GOLGA7B: variants seen among roughly 807,000 people sequenced by gnomAD.
GOLGA7B encodes golgin subfamily A member 7B.
Under a neutral mutation model 21.5 loss-of-function variants are expected in GOLGA7B, and 17 were observed. The ratio of observed to expected loss-of-function variants is 0.79; its 90% CI spans 0.54 to 1.19. GOLGA7B has a LOEUF of 1.19. Ranked by LOEUF, GOLGA7B falls within the 50% of genes most tolerant of loss-of-function variation. GOLGA7B has a pLI of 0.00. For missense variants in GOLGA7B, 169 were observed against 224.4 expected, an observed-to-expected ratio of 0.75 and a Z score of 1.58; for synonymous variants, 87 against 84.0, an observed-to-expected ratio of 1.04 and a Z score of -0.19.
At chr10:97,859,613 C>T in intron 2 of GOLGA7B, 30 bp downstream of exon 2, 14 of 1,610,166 alleles carry the variant, frequency 8.7e-6, no homozygotes, top group Non-Finnish European at 1.2e-5. Context: ...CACTTGGAAC[C>T]CAGGGCTGTG....
chr10:97,859,922 T>C (rs2049960010), intron 2 of GOLGA7B, among the ~76,000 whole-genome samples: 1 of 152,184 alleles, frequency 6.6e-6, no homozygotes, highest in Non-Finnish European at 1.5e-5. Context: ...GCAGTGCTGA[T>C]CCAGTTGTTG....
At position 97,869,675 on chromosome 10, in the gene GOLGA7B, A is replaced by C. The variant is rs1264637004; in HGVS notation, c.*3975A>C. The C allele has an allele frequency of 6.6e-6, 1 of 152,348 alleles. No individual in the cohort carries two copies. The highest frequency in any genetic ancestry group is 1.5e-5 in the Non-Finnish European group (1 of 68,116). 9.4% of individuals were successfully genotyped at this position (152,348 alleles called of 1,614,324 possible). On this transcript the variant is annotated 3_prime_UTR_variant, in exon 5 of 5. Coordinates refer to ENST00000370602, the MANE Select transcript of GOLGA7B (RefSeq NM_001010917.3). The stretch of plus-strand genomic sequence containing the variant: ...CACTCGGGGAATCAAAGGTGGAGAC[A>C]GAAAGAACTATGGCTGTTGTGACAC...
rs2050026320 is a variant in GOLGA7B at position 97,866,469 on chromosome 10, T to A, written c.*769T>A. The A allele has an allele frequency of 6.6e-6, 1 of 152,196 alleles. No individual in the cohort carries two copies. The allele number at this position is 152,196 out of a possible 1,614,324, so 9.4% of individuals were successfully genotyped here. On this transcript the variant is annotated 3_prime_UTR_variant, in exon 5 of 5. Coordinates refer to ENST00000370602, the MANE Select transcript of GOLGA7B (RefSeq NM_001010917.3). ...GAGACATAGCCATGCGGGGCCTGAA[T>A]CTCCTGAACTACAGCCAGTTTCCTG...
intron 4 of GOLGA7B, chr10:97,865,033 G>T (rs905899121): frequency 1.3e-5 from 2 of 152,744 alleles, no homozygotes; most frequent in African/African-American, 4.8e-5. Context: ...AGAGGCACTT[G>T]TTTTTATTGA....
Position 97,866,015 on chromosome 10 carries a change from C to G in GOLGA7B, c.*315C>G, listed in dbSNP as rs2050019287. 1 of 374,030 alleles carries G rather than the reference C, an allele frequency of 2.7e-6. No individual in the cohort carries two copies. The highest frequency in any genetic ancestry group is 2.0e-5 in the African/African-American group (1 of 49,328). 23.2% of individuals were successfully genotyped at this position (374,030 alleles called of 1,614,324 possible). Reference sequence around the variant, plus strand: ...GGAGAACACAACCTAGGCGGCCCCTCTCTTCCACAGCCCCTCTCCCAACCC... The same window carrying G: ...GGAGAACACAACCTAGGCGGCCCCTGTCTTCCACAGCCCCTCTCCCAACCC... On this transcript the variant is annotated 3_prime_UTR_variant, in exon 5 of 5. Coordinates refer to ENST00000370602, the MANE Select transcript of GOLGA7B (RefSeq NM_001010917.3).
intron 1 of GOLGA7B, among the ~76,000 whole-genome samples, chr10:97,852,448 T>G (rs987706023): frequency 2.0e-5 from 3 of 152,104 alleles, no homozygotes; most frequent in African/African-American, 7.2e-5. Context: ...TGGCCTTGGG[T>G]GGACTCTGAT....
rs1037436581 is a variant in GOLGA7B, at chr10:97,850,208, CTCG to C, written c.-95_-93del. ...CTGCGGACAGCGCCCCGGGCCCCAGCTCGCCGCCACCGCCGCCGCCCACCTGCT... is the reference window on the plus strand; with the variant it reads ...CTGCGGACAGCGCCCCGGGCCCCAGCCCGCCACCGCCGCCGCCCACCTGCT... On this transcript the variant is annotated 5_prime_UTR_variant, in exon 1 of 5. Coordinates refer to ENST00000370602, the MANE Select transcript of GOLGA7B (RefSeq NM_001010917.3). 1.1e-6 allele frequency: 1 copy of C among 894,896 alleles called. No individual in the cohort carries two copies. The highest frequency in any genetic ancestry group is 1.8e-5 in the African/African-American group (1 of 55,786). 55.4% of individuals were successfully genotyped at this position (894,896 alleles called of 1,614,324 possible). A position where few individuals can be genotyped will look rare whatever the true frequency, so the allele number is the denominator to read the frequency against.
At chr10:97,858,079 A>C (rs2136514949) in intron 1 of GOLGA7B, among the ~76,000 whole-genome samples, 1 of 152,140 alleles carries the variant, frequency 6.6e-6, no homozygotes, top group Non-Finnish European at 1.5e-5. Flanking sequence ...TATCTTTGTC[A>C]CTTTGCGCAA....
At chr10:97,850,842 CT>C (rs1325696551) in intron 1 of GOLGA7B, among the ~76,000 whole-genome samples, 1 of 150,804 alleles carries the variant, frequency 6.6e-6, no homozygotes, top group Non-Finnish European at 1.5e-5. Context: ...ACCCTTCTTG[CT>C]TTTTTACCCC....
At chr10:97,853,745 T>G (rs1417002) in intron 1 of GOLGA7B, among the ~76,000 whole-genome samples, 18,267 of 151,516 alleles carry the variant, frequency 0.12, 1,438 homozygotes, top group African/African-American at 0.22. Context: ...TCAGAGAGAG[T>G]TGTGCACATA....
chr10:97,851,007 T>C (rs972580663), intron 1 of GOLGA7B, among the ~76,000 whole-genome samples: 13 of 152,056 alleles, frequency 8.5e-5, no homozygotes, highest in African/African-American at 3.1e-4. Context: ...GGCAGAATCT[T>C]GGTATAATGC....
At position 97,868,802 on chromosome 10, in the gene GOLGA7B, G is replaced by A. The variant is rs940689263; in HGVS notation, c.*3102G>A. ...ACTAAACGGGTAAAACCAAATCTGG[G>A]TGCTTATCTGACTGAGAGGCATTCA... On this transcript the variant is annotated 3_prime_UTR_variant, in exon 5 of 5. Transcript: ENST00000370602. The A allele has an allele frequency of 6.6e-6, 1 of 152,066 alleles. No individual in the cohort carries two copies. 9.4% of individuals were successfully genotyped at this position (152,066 alleles called of 1,614,324 possible). A position where few individuals can be genotyped will look rare whatever the true frequency, so the allele number is the denominator to read the frequency against.
At chr10:97,856,961 A>T (rs2049938764) in intron 1 of GOLGA7B, among the ~76,000 whole-genome samples, 2 of 152,124 alleles carry the variant, frequency 1.3e-5, no homozygotes, top group South Asian at 4.1e-4. Flanking sequence ...AGTTCCTCAT[A>T]GATTCTGGAT....
At position 97,850,265 on chromosome 10, in the gene GOLGA7B, T is replaced by C; in HGVS notation, c.-39T>C. ...GGGGTCAGCACCGCGGAGACCCCCC[T>C]CGCCCGGCCCCGCGACAGCCTCCGA... On this transcript the variant is annotated 5_prime_UTR_variant, in exon 1 of 5. Transcript: ENST00000370602. The C allele has an allele frequency of 6.9e-7, 1 of 1,456,518 alleles. No homozygotes were observed. Among genetic ancestry groups the C allele is most frequent in the Non-Finnish European group, 9.1e-7 (1 of 1,102,490 alleles). The allele number at this position is 1,456,518 out of a possible 1,614,324, so 90.2% of individuals were successfully genotyped here.
chr10:97,856,606 G>A (rs1378043293), intron 1 of GOLGA7B, among the ~76,000 whole-genome samples: 1 of 152,212 alleles, frequency 6.6e-6, no homozygotes, highest in African/African-American at 2.4e-5. Context: ...ATACCCTGTA[G>A]TGGGATTGCT....
In GOLGA7B at chr10:97,865,709, G is replaced by C; in HGVS notation, c.*9G>C. ...GGGCGGGGGCCCGGTGACTGGCCGA[G>C]AGTCCCTGTAGGGAGGTGTATGGCC... On this transcript the variant is annotated 3_prime_UTR_variant, in exon 5 of 5. Coordinates refer to ENST00000370602, the MANE Select transcript of GOLGA7B (RefSeq NM_001010917.3). 5.6e-6 allele frequency: 9 copies of C among 1,602,466 alleles called. No individual in the cohort carries two copies. The highest frequency in any genetic ancestry group is 7.7e-6 in the Non-Finnish European group (9 of 1,174,788).
At position 97,864,012 on chromosome 10, in the gene GOLGA7B, A is replaced by G. The variant is rs1183018218; in HGVS notation, c.221A>G (p.Tyr74Cys). Reference protein sequence around the residue: ...AEAEKIGGSSYLEGCLACATA... With the variant: ...AEAEKIGGSSCLEGCLACATA... ...GCTGAGAAGATTGGGGGCAGCTCCT[A>G]CCTCGAGGGCTGCCTGGCCTGCGCC... Residue 74 changes from tyrosine (Y) to cysteine (C), a missense_variant, in exon 3 of 5, where the codon TAC (tyrosine) becomes TGC (cysteine). Tyr to Cys is a radical substitution (Grantham distance 194). Transcript: ENST00000370602. 4.3e-6 allele frequency: 7 copies of G among 1,613,774 alleles called. No individual in the cohort carries two copies. Among genetic ancestry groups the G allele is most frequent in the Non-Finnish European group, 5.9e-6 (7 of 1,179,844 alleles).
At chr10:97,854,464 C>T (rs2049923107) in intron 1 of GOLGA7B, among the ~76,000 whole-genome samples, 1 of 152,182 alleles carries the variant, frequency 6.6e-6, no homozygotes, top group African/African-American at 2.4e-5. Flanking sequence ...GGCTCTTCAC[C>T]AACTTCAGAT....
chr10:97,865,589 G>A lies in GOLGA7B; in HGVS notation c.394-1G>A. The A allele has an allele frequency of 6.2e-7, 1 of 1,613,268 alleles. No individual in the cohort carries two copies. Among genetic ancestry groups the A allele is most frequent in the Non-Finnish European group, 8.5e-7 (1 of 1,179,324 alleles). On this transcript the variant is annotated splice_acceptor_variant, in intron 4 of 4. Transcript: ENST00000370602. LOFTEE classifies it high-confidence loss of function. Reference sequence around the variant, plus strand: ...CAGCTCTCCTTAACCACCGACCCCAGATTGAGATCTCCATCTACGAGGACC... The same window carrying A: ...CAGCTCTCCTTAACCACCGACCCCAAATTGAGATCTCCATCTACGAGGACC...
Sources: gnomAD v4.1 joint callset for allele counts (sites outside exome capture counted in the v4.1 genomes callset) on GRCh38, gnomAD v4.1.1 for gene constraint, MANE v1.5 for transcripts, NCBI Gene and HGNC (gene_info 2026-07-23, HGNC 2026-07-21) for gene names.